MRTFB: variants seen among roughly 807,000 people sequenced by gnomAD.
MRTFB encodes the protein myocardin-related transcription factor B.
In MRTFB, 29 loss-of-function variants were observed where a neutral mutation model predicts 104.2. The observed-to-expected ratio is 0.28, with a 90% CI of 0.21 to 0.38. The LOEUF is 0.38. Ranked by LOEUF, MRTFB falls within the 10% of genes least tolerant of loss-of-function variation. The probability of loss-of-function intolerance (pLI) is 1.00; values close to 1 mark genes in which losing one functional copy is unlikely to be tolerated. For missense variants in MRTFB, 1,270 were observed against 1,341.6 expected, an observed-to-expected ratio of 0.95 and a Z score of 0.83; for synonymous variants, 535 against 519.5, an observed-to-expected ratio of 1.03 and a Z score of -0.41.
At chr16:14,132,795 C>G (rs2037504401) in intron 2 of MRTFB, among the ~76,000 whole-genome samples, 1 of 152,132 alleles carries the variant, frequency 6.6e-6, no homozygotes, top group African/African-American at 2.4e-5. Flanking sequence ...CTCTCCATTC[C>G]CTTTGTTTCA....
intron 2 of MRTFB, among the ~76,000 whole-genome samples, chr16:14,107,730 G>A (rs975297029): frequency 6.6e-6 from 1 of 152,186 alleles, no homozygotes; most frequent in African/African-American, 2.4e-5. Context: ...TAGGCTTATG[G>A]ACAGATGGAA....
chr16:14,108,939 C>A (rs1056000981), intron 2 of MRTFB, among the ~76,000 whole-genome samples: 1 of 152,132 alleles, frequency 6.6e-6, no homozygotes, highest in Non-Finnish European at 1.5e-5. Flanking sequence ...CATATGTGCA[C>A]CCCTCTGTAG....
At chr16:14,214,369 A>G (rs1361111275) in intron 6 of MRTFB, among the ~76,000 whole-genome samples, 1 of 152,176 alleles carries the variant, frequency 6.6e-6, no homozygotes, top group East Asian at 1.9e-4. Flanking sequence ...ACAATCTGAA[A>G]ACTTCTCAGA....
intron 2 of MRTFB, among the ~76,000 whole-genome samples, chr16:14,132,723 T>A (rs1390357609): frequency 6.6e-6 from 1 of 152,210 alleles, no homozygotes; most frequent in Admixed American, 6.5e-5. Flanking sequence ...TTTTTTAAAA[T>A]GCTTCGTGGC....
Position 14,261,018 on chromosome 16 carries a change from C to T in MRTFB, c.2874C>T (p.Pro958=), listed in dbSNP as rs1187640528. 9 of 1,614,132 alleles carry T rather than the reference C, an allele frequency of 5.6e-6. No individual in the cohort carries two copies. The highest frequency in any genetic ancestry group is 7.6e-6 in the Non-Finnish European group (9 of 1,180,030). The change falls in exon 17 of 17, where the codon CCC becomes CCT. Residue 958 remains proline, a synonymous_variant. Transcript: ENST00000571589. ...ATACAGTGGTGTCCCGGCCACCACC[C>T]CAAGTCCAAATGGCACCACCTGTAT... ...PVNTVVSRPP[P]QVQMAPPVSL... is the part of the protein sequence containing the mutation.
At position 14,240,496 on chromosome 16, in the gene MRTFB, C is replaced by A. The variant is rs769413636; in HGVS notation, c.1079+12C>A. ...CCTGCACCATTCAAGTACGGCGGGGCCCATGCTATCCTCAACGCGGGGTTT... is the reference window on the plus strand; with the variant it reads ...CCTGCACCATTCAAGTACGGCGGGGACCATGCTATCCTCAACGCGGGGTTT... On this transcript the variant is annotated intron_variant, in intron 10 of 16. Coordinates refer to ENST00000571589, the MANE Select transcript of MRTFB (RefSeq NM_001308142.2). 3.7e-6 allele frequency: 6 copies of A among 1,614,168 alleles called. No homozygotes were observed. Among genetic ancestry groups the A allele is most frequent in the Non-Finnish European group, 5.1e-6 (6 of 1,180,032 alleles).
intron 2 of MRTFB, among the ~76,000 whole-genome samples, chr16:14,118,493 A>C (rs72783484): frequency 0.15 from 22,065 of 150,994 alleles, 2,367 homozygotes; most frequent in East Asian, 0.29. Context: ...GTGTGTTTGT[A>C]TCTCCCATGT....
intron 3 of MRTFB, chr16:14,144,103 A>C (rs2038167930): frequency 6.6e-6 from 1 of 152,154 alleles, no homozygotes; most frequent in Non-Finnish European, 1.5e-5. Context: ...TCTAATTCTG[A>C]TTAAAATATT....
At chr16:14,011,640 C>G in the MRTFB span, among the ~76,000 whole-genome samples, 1 of 152,100 alleles carries the variant, frequency 6.6e-6, no homozygotes, top group African/African-American at 2.4e-5. Flanking sequence ...AATCCCAGCA[C>G]TTTGGGAGGC....
chr16:14,192,281 C>T (rs749511631), intron 3 of MRTFB, among the ~76,000 whole-genome samples: 1 of 151,910 alleles, frequency 6.6e-6, no homozygotes, highest in Non-Finnish European at 1.5e-5. Flanking sequence ...AGCTGAGATG[C>T]AGGGATCCCT....
chr16:14,116,152 A>G (rs185114808), intron 2 of MRTFB, among the ~76,000 whole-genome samples: 98 of 152,156 alleles, frequency 6.4e-4, no homozygotes, highest in African/African-American at 2.2e-3. Context: ...CTGCCCTTCA[A>G]TAGCCACTCC....
chr16:14,006,530 C>T, the MRTFB span, among the ~76,000 whole-genome samples: 3 of 147,870 alleles, frequency 2.0e-5, no homozygotes, highest in African/African-American at 7.5e-5. Context: ...AAAAAAGAAA[C>T]GTTAGAATTA....
At chr16:14,022,893 C>T in the MRTFB span, among the ~76,000 whole-genome samples, 8 of 151,626 alleles carry the variant, frequency 5.3e-5, no homozygotes, top group African/African-American at 1.2e-4. Flanking sequence ...AGTGAGGTTT[C>T]GCCATGTTGA....
chr16:14,141,461 G>A lies in MRTFB; in HGVS notation c.154+701G>A, dbSNP rs534254490. The A allele has an allele frequency of 2.0e-5, 3 of 152,164 alleles. No homozygotes were observed. The South Asian group carries it at 6.2e-4, about 32-fold the overall frequency. 9.4% of individuals were successfully genotyped at this position (152,164 alleles called of 1,614,324 possible). The stretch of plus-strand genomic sequence containing the variant: ...ATGTTAAAATTTGCAAACACTCTAA[G>A]CATGCACATTAAAAAATAGAATTAA... On this transcript the variant is annotated intron_variant, in intron 3 of 16. Coordinates refer to ENST00000571589, the MANE Select transcript of MRTFB (RefSeq NM_001308142.2).
At chr16:14,052,219 G>A in the MRTFB span, among the ~76,000 whole-genome samples, 1 of 152,122 alleles carries the variant, frequency 6.6e-6, no homozygotes, top group African/African-American at 2.4e-5. Context: ...GAGGGAGGAG[G>A]AGTCATGGTG....
the MRTFB span, among the ~76,000 whole-genome samples, chr16:14,035,011 C>T: frequency 6.6e-6 from 1 of 152,192 alleles, no homozygotes; most frequent in East Asian, 1.9e-4. Flanking sequence ...TGTCTTCCTC[C>T]ACCCCATGGA....
chr16:14,187,098 GTGTC>G (rs2039983334), intron 3 of MRTFB: 1 of 1,340,698 alleles, frequency 7.5e-7, no homozygotes, highest in South Asian at 1.3e-5. Context: ...CCAGCTGAGC[GTGTC>G]TGTCTGTTAC....
At chr16:14,030,375 G>A in the MRTFB span, among the ~76,000 whole-genome samples, 807 of 152,242 alleles carry the variant, frequency 5.3e-3, 6 homozygotes, top group African/African-American at 0.018. Flanking sequence ...AGCTGGTTCA[G>A]GCCCTGGTTC....
intron 15 of MRTFB, among the ~76,000 whole-genome samples, chr16:14,257,044 G>T (rs117772617): frequency 6.6e-6 from 1 of 152,128 alleles, no homozygotes; most frequent in Non-Finnish European, 1.5e-5. Flanking sequence ...GTGCAATACC[G>T]CTACACACCT....
Sources: allele counts gnomAD v4.1 joint callset (sites outside exome capture counted in the v4.1 genomes callset), GRCh38; gene constraint gnomAD v4.1.1; transcripts MANE v1.5; gene names NCBI Gene and HGNC (gene_info 2026-07-23, HGNC 2026-07-21).